The following TMEM128 variants were observed in gnomAD, a reference collection of about 807,000 sequenced individuals.
TMEM128 encodes the protein transmembrane protein 128.
TMEM128 carries 16 observed loss-of-function variants against 19.7 expected under a neutral mutation model. That is an observed-to-expected ratio of 0.81 (90% CI 0.55 to 1.23). The LOEUF is 1.23. Ranked by LOEUF, TMEM128 falls within the 50% of genes most tolerant of loss-of-function variation. The probability of loss-of-function intolerance (pLI) is 0.00; values close to 1 mark genes in which losing one functional copy is unlikely to be tolerated. For synonymous variants in TMEM128, 98 were observed against 75.8 expected, an observed-to-expected ratio of 1.29 and a Z score of -1.52; for missense variants, 237 against 200.8, an observed-to-expected ratio of 1.18 and a Z score of -1.09.
intron 3 of TMEM128, 52 bp downstream of exon 3, chr4:4,240,269 C>G (rs139174323): frequency 6.9e-7 from 1 of 1,457,458 alleles, no homozygotes; most frequent in Admixed American, 1.9e-5. Context: ...ACTATCTGAT[C>G]AAAAAAAAAA....
At chr4:4,237,456 TAAG>T (rs1717765773) in intron 4 of TMEM128, among the ~76,000 whole-genome samples, 1 of 151,982 alleles carries the variant, frequency 6.6e-6, no homozygotes, top group East Asian at 1.9e-4. Flanking sequence ...CTGGGCAACA[TAAG>T]GAGACTCTGT....
intron 4 of TMEM128, chr4:4,237,104 T>C (rs1460315354): frequency 4.0e-5 from 18 of 455,528 alleles, no homozygotes; most frequent in Non-Finnish European, 7.1e-5. Flanking sequence ...ATTCTATAAA[T>C]AACACCAAAC....
At chr4:4,238,964 G>A (rs562808152) in intron 3 of TMEM128, among the ~76,000 whole-genome samples, 1 of 152,220 alleles carries the variant, frequency 6.6e-6, no homozygotes, top group East Asian at 1.9e-4. Flanking sequence ...TTAAGCCTGG[G>A]AAGTCGAGGC....
intron 1 of TMEM128, 117 bp from the exon 2 acceptor site, chr4:4,246,460 A>AT (rs1718178420): frequency 2.6e-5 from 28 of 1,064,864 alleles, no homozygotes; most frequent in Non-Finnish European, 3.6e-5. Context: ...CCATGATAAC[A>AT]AATCCTTCTG....
chr4:4,245,124 C>G (rs1023551696), intron 2 of TMEM128, among the ~76,000 whole-genome samples: 1 of 152,144 alleles, frequency 6.6e-6, no homozygotes, highest in Non-Finnish European at 1.5e-5. Context: ...CAAATTATTA[C>G]TCTTGACCCT....
chr4:4,241,917 T>C (rs1717972536), intron 2 of TMEM128, among the ~76,000 whole-genome samples: 1 of 152,230 alleles, frequency 6.6e-6, no homozygotes, highest in African/African-American at 2.4e-5. Flanking sequence ...ATTCATTTAT[T>C]TCTGAGCCGG....
intron 2 of TMEM128, among the ~76,000 whole-genome samples, chr4:4,241,536 G>C (rs1327741646): frequency 6.6e-6 from 1 of 152,218 alleles, no homozygotes; most frequent in African/African-American, 2.4e-5. Flanking sequence ...GGAAGAGAGA[G>C]GGAGAACAGA....
intron 2 of TMEM128, among the ~76,000 whole-genome samples, chr4:4,241,606 G>A (rs1193733830): frequency 2.0e-5 from 3 of 152,198 alleles, no homozygotes; most frequent in Admixed American, 2.0e-4. Context: ...GCAAGGTTCC[G>A]GATTCCATGA....
chr4:4,243,658 A>G (rs1187560273), intron 2 of TMEM128, among the ~76,000 whole-genome samples: 1 of 152,184 alleles, frequency 6.6e-6, no homozygotes, highest in Non-Finnish European at 1.5e-5. Flanking sequence ...GCCTTTGAGA[A>G]TGCATTTCTG....
intron 3 of TMEM128, among the ~76,000 whole-genome samples, chr4:4,239,775 G>A (rs1295260902): frequency 6.6e-6 from 1 of 152,214 alleles, no homozygotes; most frequent in African/African-American, 2.4e-5. Flanking sequence ...ACACAATGCT[G>A]CACACAGCCA....
intron 3 of TMEM128, among the ~76,000 whole-genome samples, chr4:4,239,869 T>C (rs1310760974): frequency 1.3e-5 from 2 of 152,202 alleles, no homozygotes; most frequent in Non-Finnish European, 2.9e-5. Context: ...GAATATCTAA[T>C]GGAAGCAAAG....
rs562285701 is a variant in TMEM128 at position 4,240,355 on chromosome 4, T to C, written c.364A>G (p.Ile122Val). Residue 122 changes from isoleucine to valine, a missense_variant, in exon 3 of 5, where the codon ATT becomes GTT. Coordinates refer to ENST00000382753, the MANE Select transcript of TMEM128 (RefSeq NM_001297551.2). ...GCTGCAATAAAGGAGGCAGTGGTAA[T>C]GGGTATCAAGGCTGGATACTTGACA... is the stretch of plus-strand genomic sequence containing the variant. ...YDVKYPALIP[I>V]TTASFIAAGI... 25 of 1,614,110 alleles carry C rather than the reference T, an allele frequency of 1.5e-5. No homozygotes were observed. Among genetic ancestry groups the C allele is most frequent in the Non-Finnish European group, 2.0e-5 (24 of 1,179,996 alleles).
intron 2 of TMEM128, among the ~76,000 whole-genome samples, chr4:4,243,105 A>T (rs1718027323): frequency 6.6e-6 from 1 of 151,960 alleles, no homozygotes; most frequent in South Asian, 2.1e-4. Flanking sequence ...TTTAAGACGG[A>T]GTCTCGCTCT....
intron 2 of TMEM128, among the ~76,000 whole-genome samples, chr4:4,243,591 C>T (rs1718048732): frequency 1.3e-5 from 2 of 152,128 alleles, no homozygotes; most frequent in South Asian, 4.1e-4. Context: ...TGTTCAATAC[C>T]CCCCAACTCC....
intron 2 of TMEM128, among the ~76,000 whole-genome samples, chr4:4,243,733 C>G (rs1718055211): frequency 6.6e-6 from 1 of 152,166 alleles, no homozygotes; most frequent in African/African-American, 2.4e-5. Context: ...TCTTTCCAAC[C>G]CCCACAGCCC....
At chr4:4,240,704 T>C (rs1475658020) in intron 2 of TMEM128, among the ~76,000 whole-genome samples, 1 of 152,188 alleles carries the variant, frequency 6.6e-6, no homozygotes, top group Non-Finnish European at 1.5e-5. Context: ...AGACTTGAAA[T>C]ACATGCATTT....
chr4:4,237,760 G>C (rs1163792815), intron 4 of TMEM128, 67 bp downstream of exon 4: 2 of 994,954 alleles, frequency 2.0e-6, no homozygotes, highest in South Asian at 2.8e-5. Flanking sequence ...TCCATCCACT[G>C]AAAATTGTCA....
At chr4:4,243,324 C>G (rs750566270) in intron 2 of TMEM128, among the ~76,000 whole-genome samples, 2 of 152,096 alleles carry the variant, frequency 1.3e-5, no homozygotes, top group Admixed American at 1.3e-4. Flanking sequence ...CCTCGTGATC[C>G]GCCCGCCTCG....
intron 3 of TMEM128, among the ~76,000 whole-genome samples, chr4:4,238,538 A>G (rs1161066301): frequency 2.6e-5 from 4 of 152,188 alleles, no homozygotes. Context: ...AAATAACTAT[A>G]ATCACAAATC....
Sources: gnomAD v4.1 joint callset for allele counts (sites outside exome capture counted in the v4.1 genomes callset) on GRCh38, gnomAD v4.1.1 for gene constraint, MANE v1.5 for transcripts, NCBI Gene and HGNC (gene_info 2026-07-23, HGNC 2026-07-21) for gene names.